Variants in RBL2 observed in about 807,000 individuals in gnomAD.
RBL2 encodes the protein retinoblastoma-like protein 2.
Under a neutral mutation model 126.0 loss-of-function variants are expected in RBL2, and 56 were observed. The observed-to-expected ratio is 0.44, with a 90% confidence interval of 0.36 to 0.56. RBL2 has a LOEUF of 0.56. Among genes scored for constraint, RBL2 ranks in the 20% least tolerant of loss-of-function variants. The pLI is 0.00. For missense variants in RBL2, 1,229 were observed against 1,398.2 expected (o/e 0.88, Z 1.93); for synonymous variants, 454 against 478.5 (o/e 0.95, Z 0.67).
chr16:53,442,967 A>C, intron 3 of RBL2, 109 bp downstream of exon 3: 1 of 894,958 alleles, frequency 1.1e-6, no homozygotes, highest in South Asian at 2.4e-5. Flanking sequence ...AGATTTAAAA[A>C]ATCTTTTTCC....
Position 53,454,832 on chromosome 16 carries a change from A to G in RBL2, c.1169A>G (p.His390Arg). ...CAGATGAAAAACATCTTACAGCAGC[A>G]TTTTGACAAGGTGAGTTTAGCCATG... ...RVQMKNILQQ[H>R]FDKSKALRIS... The change falls in exon 8 of 22, where the codon CAT becomes CGT. Residue 390 changes from histidine (H) to arginine (R), a missense_variant. Physicochemically the swap from His to Arg is conservative, Grantham distance 29. Transcript: ENST00000262133. 2 of 1,608,322 alleles carry G rather than the reference A, an allele frequency of 1.2e-6. No individual in the cohort carries two copies.
At position 53,479,525 on chromosome 16, in the gene RBL2, T is replaced by A. The variant is rs908791904; in HGVS notation, c.2775+300T>A. The A allele has an allele frequency of 2.5e-5, 12 of 488,548 alleles. 1 individual carries two copies. The highest frequency in any genetic ancestry group is 1.7e-4 in the South Asian group (6 of 35,888). 30.3% of individuals were successfully genotyped at this position (488,548 alleles called of 1,614,324 possible). ...TTTCATTCTGGTTTAGTAAACATAC[T>A]GTAGGTTTAACCAACAGAATGTCAC... is the stretch of plus-strand genomic sequence containing the variant. On this transcript the variant is annotated intron_variant, in intron 18 of 21. Transcript: ENST00000262133.
chr16:53,456,363 G>A (rs2058167761), intron 8 of RBL2, among the ~76,000 whole-genome samples: 1 of 152,084 alleles, frequency 6.6e-6, no homozygotes, highest in Non-Finnish European at 1.5e-5. Flanking sequence ...TGGGAAAGTG[G>A]GATTAGAGGC....
chr16:53,481,964 C>A, intron 21 of RBL2, 129 bp downstream of exon 21: 1 of 1,120,716 alleles, frequency 8.9e-7, no homozygotes, highest in Non-Finnish European at 1.3e-6. Context: ...TCAGTCAGTC[C>A]TCATGAAGCA....
At chr16:53,469,438 C>T (rs1454216601) in intron 14 of RBL2, among the ~76,000 whole-genome samples, 3 of 151,910 alleles carry the variant, frequency 2.0e-5, no homozygotes, top group Admixed American at 6.6e-5. Flanking sequence ...TTGATAAAAC[C>T]GGTGGCGGAA....
chr16:53,454,538 C>T lies in RBL2; in HGVS notation c.993-118C>T, dbSNP rs540926335. On this transcript the variant is annotated intron_variant, in intron 7 of 21. Transcript: ENST00000262133. ...GTTCTTATAACTACAAGTTACCCTA[C>T]CAAAGTTTAACTTTCAAAAAACTAT... is the stretch of plus-strand genomic sequence containing the variant. 12 of 957,182 alleles carry T rather than the reference C, an allele frequency of 1.3e-5. No homozygotes were observed. In the East Asian group the frequency reaches 2.9e-4, roughly 23 times the overall value. 59.3% of individuals were successfully genotyped at this position (957,182 alleles called of 1,614,324 possible).
intron 14 of RBL2, among the ~76,000 whole-genome samples, chr16:53,468,187 A>G (rs1251108211): frequency 6.6e-6 from 1 of 152,224 alleles, no homozygotes; most frequent in Non-Finnish European, 1.5e-5. Context: ...TTTCTAGATC[A>G]GTTTTATAAT....
At chr16:53,460,800 C>T (rs1254389613) in intron 9 of RBL2, among the ~76,000 whole-genome samples, 1 of 151,986 alleles carries the variant, frequency 6.6e-6, no homozygotes, top group Non-Finnish European at 1.5e-5. Context: ...ATTTTTTAAA[C>T]TTGCTTCATT....
chr16:53,478,652 T>A (rs547529083), intron 17 of RBL2, among the ~76,000 whole-genome samples: 1 of 151,546 alleles, frequency 6.6e-6, no homozygotes, highest in East Asian at 1.9e-4. Context: ...TGAGAGAGAG[T>A]CTTGCTCTGT....
At chr16:53,446,447 A>G (rs2058062856) in intron 3 of RBL2, among the ~76,000 whole-genome samples, 1 of 152,224 alleles carries the variant, frequency 6.6e-6, no homozygotes, top group African/African-American at 2.4e-5. Flanking sequence ...GGTGGAGACC[A>G]CAGATTTCTT....
At chr16:53,459,923 C>T (rs1222993104) in intron 9 of RBL2, among the ~76,000 whole-genome samples, 2 of 89,406 alleles carry the variant, frequency 2.2e-5, no homozygotes, top group Non-Finnish European at 4.5e-5. Flanking sequence ...GAGGTGGGGG[C>T]GGGGGGAAGC....
chr16:53,468,967 A>C (rs1185101759), intron 14 of RBL2, among the ~76,000 whole-genome samples: 1 of 152,114 alleles, frequency 6.6e-6, no homozygotes, highest in Non-Finnish European at 1.5e-5. Flanking sequence ...TTAAAAAACT[A>C]GCCTGTAATA....
chr16:53,479,520 C>T (rs1379916502), intron 18 of RBL2: 2 of 489,506 alleles, frequency 4.1e-6, no homozygotes. Flanking sequence ...GTTTAGTAAA[C>T]ATACTGTAGG....
rs1209998954 is a variant in RBL2, at chr16:53,491,355, A to C, written c.*1055A>C. ...TTAGTACCATAGTACCATTTATACAAATTAGAAAATGTTATTTAACAGCTG... is the reference window on the plus strand; with the variant it reads ...TTAGTACCATAGTACCATTTATACACATTAGAAAATGTTATTTAACAGCTG... On this transcript the variant is annotated 3_prime_UTR_variant, in exon 22 of 22. Transcript: ENST00000262133. 1 of 152,216 alleles carries C rather than the reference A, an allele frequency of 6.6e-6. No individual in the cohort carries two copies. The highest frequency in any genetic ancestry group is 1.9e-4 in the East Asian group (1 of 5,206). 9.4% of individuals were successfully genotyped at this position (152,216 alleles called of 1,614,324 possible). A position where few individuals can be genotyped will look rare whatever the true frequency, so the allele number is the denominator to read the frequency against.
intron 2 of RBL2, among the ~76,000 whole-genome samples, chr16:53,439,441 T>C (rs548647129): frequency 1.3e-5 from 2 of 152,164 alleles, no homozygotes; most frequent in African/African-American, 2.4e-5. Context: ...ATGAAGGATA[T>C]TGAGAAACTT....
intron 7 of RBL2, 39 bp from the exon 8 acceptor site, chr16:53,454,617 T>G: frequency 6.7e-7 from 1 of 1,486,286 alleles, no homozygotes; most frequent in Non-Finnish European, 9.2e-7. Context: ...GGCAGTTCTG[T>G]GAGAGAGTAC....
chr16:53,444,350 C>T (rs897277195), intron 3 of RBL2, among the ~76,000 whole-genome samples: 2 of 151,488 alleles, frequency 1.3e-5, no homozygotes, highest in African/African-American at 2.4e-5. Context: ...GTCGGGAGTT[C>T]GAGACCAGCC....
intron 11 of RBL2, among the ~76,000 whole-genome samples, chr16:53,463,071 C>A (rs115981081): frequency 6.6e-6 from 1 of 152,150 alleles, no homozygotes; most frequent in Non-Finnish European, 1.5e-5. Flanking sequence ...GAACTCCAGA[C>A]GTCAGGTGGT....
chr16:53,446,384 TCTC>T (rs1372407139), intron 3 of RBL2, among the ~76,000 whole-genome samples: 1 of 152,126 alleles, frequency 6.6e-6, no homozygotes, highest in Non-Finnish European at 1.5e-5. Flanking sequence ...AATCTAATCT[TCTC>T]CACGGAATTT....
Sources: gnomAD v4.1 joint callset for allele counts (sites outside exome capture counted in the v4.1 genomes callset) on GRCh38, gnomAD v4.1.1 for gene constraint, MANE v1.5 for transcripts, NCBI Gene and HGNC (gene_info 2026-07-23, HGNC 2026-07-21) for gene names.